The following DGKB variants were observed in gnomAD, a reference collection of about 807,000 sequenced individuals.
DGKB encodes the protein 90 kDa diacylglycerol kinase.
DGKB carries 67 observed loss-of-function variants against 114.3 expected under a neutral mutation model. The ratio of observed to expected loss-of-function variants is 0.59; its 90% confidence interval spans 0.48 to 0.72. The LOEUF (loss-of-function observed/expected upper bound fraction) is 0.72. DGKB is among the 30% of genes least tolerant of loss of function. The pLI is 0.00. For synonymous variants in DGKB, 398 were observed against 323.1 expected (o/e 1.23, Z -2.49); for missense variants, 907 against 975.2 (o/e 0.93, Z 0.93).
intron 1 of DGKB, among the ~76,000 whole-genome samples, chr7:14,967,949 C>T (rs939175164): frequency 3.8e-4 from 58 of 151,982 alleles, no homozygotes; most frequent in African/African-American, 1.3e-3. Context: ...CTAATAATTA[C>T]TGAGGATTAA....
chr7:14,544,806 T>C (rs1350588252), intron 20 of DGKB, among the ~76,000 whole-genome samples: 2 of 152,104 alleles, frequency 1.3e-5, no homozygotes, highest in Admixed American at 6.5e-5. Context: ...GGAGTGTCTT[T>C]TTCTCTTTTA....
chr7:14,868,015 G>T, intron 1 of DGKB, among the ~76,000 whole-genome samples: 1 of 152,150 alleles, frequency 6.6e-6, no homozygotes, highest in East Asian at 1.9e-4. Flanking sequence ...AAACAATTGA[G>T]ATTTGAAGTC....
At chr7:14,848,107 G>C (rs1308952869) in intron 1 of DGKB, among the ~76,000 whole-genome samples, 1 of 152,190 alleles carries the variant, frequency 6.6e-6, no homozygotes, top group African/African-American at 2.4e-5. Flanking sequence ...ACTTTAATCA[G>C]TGGATATGAA....
At position 14,736,325 on chromosome 7, in the gene DGKB, T is replaced by C. The variant is rs548718854; in HGVS notation, c.169-131A>G. On this transcript the variant is annotated intron_variant, in intron 4 of 25. Transcript: ENST00000402815. ...ATATCCAAGTTTAACAAATGGAAAG[T>C]GCCTATTTGAGAAATAGGGTGGGCC... 5.3e-5 allele frequency: 32 copies of C among 601,592 alleles called. No homozygotes were observed. In the South Asian group the frequency reaches 7.6e-4, roughly 14 times the overall value. 37.3% of individuals were successfully genotyped at this position (601,592 alleles called of 1,614,324 possible).
intron 7 of DGKB, among the ~76,000 whole-genome samples, chr7:14,698,671 A>G (rs1042316381): frequency 2.6e-5 from 4 of 152,110 alleles, no homozygotes; most frequent in Non-Finnish European, 5.9e-5. Context: ...CAAGGTTTGC[A>G]GGACAAGTAT....
At chr7:14,244,593 C>G (rs894127107) in intron 23 of DGKB, among the ~76,000 whole-genome samples, 1 of 143,722 alleles carries the variant, frequency 7.0e-6, no homozygotes, top group Admixed American at 7.2e-5. Flanking sequence ...TCGCTTGAAT[C>G]TGGGAGGCGC....
intron 13 of DGKB, among the ~76,000 whole-genome samples, chr7:14,669,391 C>T (rs1027387601): frequency 6.6e-6 from 1 of 152,112 alleles, no homozygotes; most frequent in Non-Finnish European, 1.5e-5. Context: ...ACTAATCCCC[C>T]CAGTGCCTTT....
chr7:14,380,930 G>C (rs1819354309), intron 21 of DGKB, among the ~76,000 whole-genome samples: 1 of 152,146 alleles, frequency 6.6e-6, no homozygotes, highest in South Asian at 2.1e-4. Context: ...ATGTAATTAA[G>C]GTTAAGAACT....
chr7:14,854,862 A>T (rs1369057141), intron 1 of DGKB, among the ~76,000 whole-genome samples: 1 of 152,178 alleles, frequency 6.6e-6, no homozygotes, highest in Non-Finnish European at 1.5e-5. Flanking sequence ...ACTCTGTGTT[A>T]CGTGGCCTAT....
chr7:14,852,598 T>G (rs566071990), intron 1 of DGKB, among the ~76,000 whole-genome samples: 9 of 152,132 alleles, frequency 5.9e-5, no homozygotes, highest in African/African-American at 2.2e-4. Context: ...TTGTTATATT[T>G]GTTTTTGTCT....
chr7:14,357,096 T>C (rs573266595), intron 21 of DGKB, among the ~76,000 whole-genome samples: 18 of 152,330 alleles, frequency 1.2e-4, no homozygotes, highest in Non-Finnish European at 2.6e-4. Flanking sequence ...CAGAGTTCTG[T>C]GGATGTCTAT....
At chr7:14,697,944 A>C (rs1824334220) in intron 8 of DGKB, 151 bp downstream of exon 8, 1 of 591,404 alleles carries the variant, frequency 1.7e-6, no homozygotes, top group East Asian at 3.2e-5. Context: ...GGAGAGAAAC[A>C]GAAAGGGAGA....
chr7:14,645,212 A>G (rs144783757), intron 13 of DGKB, among the ~76,000 whole-genome samples: 1 of 152,056 alleles, frequency 6.6e-6, no homozygotes, highest in Non-Finnish European at 1.5e-5. Flanking sequence ...GTCCTCTCTC[A>G]TTGCCGAGAG....
intron 1 of DGKB, among the ~76,000 whole-genome samples, chr7:14,974,425 C>A (rs1167833850): frequency 1.3e-5 from 2 of 152,008 alleles, no homozygotes; most frequent in Non-Finnish European, 2.9e-5. Flanking sequence ...TCTTTAAAAG[C>A]TGAAAATTAA....
intron 23 of DGKB, among the ~76,000 whole-genome samples, chr7:14,289,123 T>C (rs1293364218): frequency 2.6e-5 from 4 of 152,140 alleles, no homozygotes; most frequent in East Asian, 3.9e-4. Context: ...AAAATGACTA[T>C]AGATTTGAAG....
intron 21 of DGKB, among the ~76,000 whole-genome samples, chr7:14,352,491 C>T (rs972607528): frequency 4.4e-5 from 4 of 91,750 alleles, no homozygotes; most frequent in Non-Finnish European, 6.5e-5. Flanking sequence ...AGTGATCCCA[C>T]ATTGCAGAGT....
At chr7:14,853,715 A>AAC (rs1849708521) in intron 1 of DGKB, among the ~76,000 whole-genome samples, 4 of 150,858 alleles carry the variant, frequency 2.7e-5, no homozygotes, top group South Asian at 2.1e-4. Context: ...ACAACAACAA[A>AAC]AAATTAGCCG....
chr7:14,874,478 G>T (rs1032034732), intron 1 of DGKB, among the ~76,000 whole-genome samples: 7 of 151,674 alleles, frequency 4.6e-5, no homozygotes, highest in Non-Finnish European at 5.9e-5. Context: ...CCCAATTTTT[G>T]TATCTACAAA....
chr7:14,255,996 C>T (rs1338288336), intron 23 of DGKB, among the ~76,000 whole-genome samples: 1 of 152,150 alleles, frequency 6.6e-6, no homozygotes. Context: ...GCCAGAAACC[C>T]TTATTTCTAG....
Sources: gnomAD v4.1 joint callset for allele counts (sites outside exome capture counted in the v4.1 genomes callset) on GRCh38, gnomAD v4.1.1 for gene constraint, MANE v1.5 for transcripts, NCBI Gene and HGNC (gene_info 2026-07-23, HGNC 2026-07-21) for gene names.